OSBP2: variants seen among roughly 807,000 people sequenced by gnomAD.
The protein encoded by OSBP2 is oxysterol-binding protein 2.
A neutral mutation model predicts 96.0 loss-of-function variants in OSBP2; 66 were observed. The ratio of observed to expected loss-of-function variants is 0.69; its 90% confidence interval spans 0.56 to 0.84. The LOEUF (loss-of-function observed/expected upper bound fraction) is 0.84, where lower values mean the gene tolerates loss of function less well. Ranked by LOEUF, OSBP2 falls within the 40% of genes least tolerant of loss-of-function variation. The pLI is 0.00. For missense variants in OSBP2, 1,038 were observed against 1,222.7 expected (o/e 0.85, Z 2.25); for synonymous variants, 525 against 520.9 (o/e 1.01, Z -0.11).
Position 30,898,422 on chromosome 22 carries a change from C to T in OSBP2, c.2375+4421C>T, listed in dbSNP as rs561271965. Among the ~76,000 whole-genome samples the T allele has an allele frequency of 6.6e-5, 10 of 152,290 alleles. 1 individual carries two copies. In the South Asian group the frequency reaches 2.1e-3, roughly 32 times the overall value. Reference sequence around the variant, plus strand: ...TAATCTCCTGTATTCCATTTTCACACTGCTATAAAGATACCACCAGAGACT... The same window carrying T: ...TAATCTCCTGTATTCCATTTTCACATTGCTATAAAGATACCACCAGAGACT... On this transcript the variant is annotated intron_variant, in intron 12 of 13. Coordinates refer to ENST00000332585, the MANE Select transcript of OSBP2 (RefSeq NM_030758.4).
At chr22:30,718,470 T>C (rs1053147351) in intron 1 of OSBP2, among the ~76,000 whole-genome samples, 2 of 152,056 alleles carry the variant, frequency 1.3e-5, no homozygotes, top group Middle Eastern at 3.4e-3. Context: ...GGAGGAGAGA[T>C]GAGATATAAA....
At chr22:30,779,495 A>G (rs1156865186) in intron 2 of OSBP2, among the ~76,000 whole-genome samples, 2 of 152,128 alleles carry the variant, frequency 1.3e-5, no homozygotes, top group African/African-American at 2.4e-5. Flanking sequence ...CATTATTCAT[A>G]TACTGAGGGC....
At chr22:30,718,046 G>A (rs1159010564) in intron 1 of OSBP2, among the ~76,000 whole-genome samples, 1 of 152,202 alleles carries the variant, frequency 6.6e-6, no homozygotes, top group Non-Finnish European at 1.5e-5. Context: ...GCACTTGGGA[G>A]TAAGCTAGGA....
intron 12 of OSBP2, among the ~76,000 whole-genome samples, chr22:30,899,245 G>A (rs1268254416): frequency 1.3e-5 from 2 of 151,800 alleles, no homozygotes; most frequent in African/African-American, 2.4e-5. Context: ...TTAGCCATGT[G>A]TAGTCCCACC....
At chr22:30,793,685 G>A (rs969492745) in intron 2 of OSBP2, among the ~76,000 whole-genome samples, 2 of 152,084 alleles carry the variant, frequency 1.3e-5, no homozygotes, top group African/African-American at 2.4e-5. Flanking sequence ...GCCAGACCTT[G>A]TCTCAAAAAA....
intron 2 of OSBP2, chr22:30,842,511 CG>C (rs1408362913): frequency 6.6e-6 from 1 of 152,178 alleles, no homozygotes; most frequent in Non-Finnish European, 1.5e-5. Flanking sequence ...CTTTCACAAA[CG>C]ATTTCTCTGT....
chr22:30,717,086 G>GTTTTTTTTTT lies in OSBP2; in HGVS notation c.644+21538_644+21539insTTTTTTTTTT, dbSNP rs144392805. 1.3e-3 allele frequency among the ~76,000 whole-genome samples: 121 copies of GTTTTTTTTTT among 96,444 alleles called. 5 individuals carry two copies. Among genetic ancestry groups the GTTTTTTTTTT allele is most frequent in the African/African-American group, 3.8e-3 (90 of 23,994 alleles). The allele number at this position is 96,444 out of a possible 152,430, so 63.3% of individuals were successfully genotyped here. A position where few individuals can be genotyped will look rare whatever the true frequency, so the allele number is the denominator to read the frequency against. On this transcript the variant is annotated intron_variant, in intron 1 of 13. Coordinates refer to ENST00000332585, the MANE Select transcript of OSBP2 (RefSeq NM_030758.4). Reference sequence around the variant, plus strand: ...AAATCTATTTTGTTTTAATTTTACTGTTTTTGTGTGTGTGTGTGTGTGTGT... The same window carrying GTTTTTTTTTT: ...AAATCTATTTTGTTTTAATTTTACTGTTTTTTTTTTTTTTTGTGTGTGTGTGTGTGTGTGT...
At chr22:30,762,437 A>G (rs956816127) in intron 2 of OSBP2, among the ~76,000 whole-genome samples, 12 of 150,200 alleles carry the variant, frequency 8.0e-5, no homozygotes, top group Non-Finnish European at 1.3e-4. Context: ...AGTCCCAGCT[A>G]CTCGGGAGGC....
intron 3 of OSBP2, among the ~76,000 whole-genome samples, chr22:30,876,809 G>A (rs1602400740): frequency 2.0e-5 from 3 of 152,302 alleles, no homozygotes. Flanking sequence ...CCAAGGCTGA[G>A]GGGCTCAGGA....
intron 2 of OSBP2, among the ~76,000 whole-genome samples, chr22:30,782,463 C>T (rs559668596): frequency 6.6e-6 from 1 of 152,298 alleles, no homozygotes; most frequent in Non-Finnish European, 1.5e-5. Context: ...GCCAGGATTA[C>T]AGGCGTGAGC....
intron 2 of OSBP2, among the ~76,000 whole-genome samples, chr22:30,813,477 A>C (rs180687313): frequency 2.5e-3 from 387 of 151,988 alleles, no homozygotes; most frequent in Non-Finnish European, 3.3e-3. Flanking sequence ...CCCAGCCACA[A>C]TGTTGCATTC....
intron 3 of OSBP2, among the ~76,000 whole-genome samples, chr22:30,872,691 A>G (rs2039483419): frequency 1.3e-5 from 2 of 152,198 alleles, no homozygotes; most frequent in Admixed American, 1.3e-4. Flanking sequence ...CCTGCTGTTG[A>G]ATCAGGGGCA....
chr22:30,756,230 C>CCT (rs890549611), intron 2 of OSBP2, among the ~76,000 whole-genome samples: 3 of 152,060 alleles, frequency 2.0e-5, no homozygotes, highest in African/African-American at 7.2e-5. Context: ...GTGAGTTCTT[C>CCT]CTCTCTCTCC....
chr22:30,868,936 C>G (rs2039404237), intron 2 of OSBP2, among the ~76,000 whole-genome samples: 1 of 152,248 alleles, frequency 6.6e-6, no homozygotes, highest in African/African-American at 2.4e-5. Context: ...TACAGATTTT[C>G]TTCATCTAAA....
intron 2 of OSBP2, among the ~76,000 whole-genome samples, chr22:30,746,625 G>T (rs1383575660): frequency 2.0e-5 from 3 of 151,700 alleles, no homozygotes. Context: ...GAGTAGCTGG[G>T]ATTACAGGCA....
chr22:30,702,162 C>T (rs746119641), intron 1 of OSBP2, among the ~76,000 whole-genome samples: 7 of 152,182 alleles, frequency 4.6e-5, no homozygotes, highest in Non-Finnish European at 8.8e-5. Flanking sequence ...TCCTCTAGCT[C>T]CTCCTCTCCA....
At chr22:30,854,839 G>A (rs2039048383) in intron 2 of OSBP2, among the ~76,000 whole-genome samples, 1 of 152,170 alleles carries the variant, frequency 6.6e-6, no homozygotes, top group African/African-American at 2.4e-5. Flanking sequence ...ATTTATAAAG[G>A]AAAGAGGTTT....
intron 1 of OSBP2, among the ~76,000 whole-genome samples, chr22:30,712,170 G>A (rs892073084): frequency 6.6e-6 from 1 of 152,140 alleles, no homozygotes; most frequent in African/African-American, 2.4e-5. Flanking sequence ...ACCATTGGTA[G>A]TTTTTGCCTC....
At chr22:30,858,178 C>T (rs1209829010) in intron 2 of OSBP2, among the ~76,000 whole-genome samples, 13 of 147,240 alleles carry the variant, frequency 8.8e-5, no homozygotes, top group Non-Finnish European at 1.5e-4. Context: ...CTCGCTCTGT[C>T]GCCCAGGCCG....
Sources: gnomAD v4.1 joint callset for allele counts (sites outside exome capture counted in the v4.1 genomes callset) on GRCh38, gnomAD v4.1.1 for gene constraint, MANE v1.5 for transcripts, NCBI Gene and HGNC (gene_info 2026-07-23, HGNC 2026-07-21) for gene names.